The following UNC13C variants were observed in gnomAD, a reference collection of about 807,000 sequenced individuals.
UNC13C encodes the protein protein unc-13 homolog C.
In UNC13C, 174 loss-of-function variants were observed where a neutral mutation model predicts 245.4. The ratio of observed to expected loss-of-function variants is 0.71; its 90% CI spans 0.63 to 0.80. UNC13C has a LOEUF of 0.80. Ranked by LOEUF, UNC13C falls within the 30% of genes least tolerant of loss-of-function variation. The pLI is 0.00. For missense variants in UNC13C, 2,829 were observed against 2,602.9 expected (o/e 1.09, Z -1.89); for synonymous variants, 992 against 895.1 (o/e 1.11, Z -1.93).
intron 4 of UNC13C, among the ~76,000 whole-genome samples, chr15:54,166,413 C>G (rs1469611844): frequency 6.6e-6 from 1 of 151,766 alleles, no homozygotes; most frequent in Non-Finnish European, 1.5e-5. Context: ...TTATTATGTA[C>G]AAAATTATAT....
At chr15:54,101,058 T>A (rs1186315571) in intron 2 of UNC13C, among the ~76,000 whole-genome samples, 2 of 152,234 alleles carry the variant, frequency 1.3e-5, no homozygotes, top group Non-Finnish European at 2.9e-5. Context: ...AAGATTTCAT[T>A]GGATTTGTTT....
chr15:54,141,449 A>C (rs1233064803), intron 2 of UNC13C, among the ~76,000 whole-genome samples: 1 of 152,138 alleles, frequency 6.6e-6, no homozygotes, highest in Non-Finnish European at 1.5e-5. Context: ...TTTCACACAT[A>C]AATTGCTGAC....
intron 4 of UNC13C, among the ~76,000 whole-genome samples, chr15:54,152,837 A>C (rs963166876): frequency 6.6e-6 from 1 of 152,054 alleles, no homozygotes; most frequent in African/African-American, 2.4e-5. Flanking sequence ...CACATCTAAT[A>C]TATATAAAAG....
At chr15:54,484,795 CT>C (rs1477997397) in intron 19 of UNC13C, among the ~76,000 whole-genome samples, 2 of 151,958 alleles carry the variant, frequency 1.3e-5, no homozygotes, top group Non-Finnish European at 2.9e-5. Context: ...AATCAATTTC[CT>C]CCCACAAAAA....
At chr15:54,135,386 G>A (rs2031676685) in intron 2 of UNC13C, among the ~76,000 whole-genome samples, 1 of 152,130 alleles carries the variant, frequency 6.6e-6, no homozygotes, top group Non-Finnish European at 1.5e-5. Context: ...CGGCCAATAC[G>A]TTGCCAATGG....
chr15:54,461,325 CTCAA>C (rs1392863021), intron 19 of UNC13C, among the ~76,000 whole-genome samples: 5 of 152,226 alleles, frequency 3.3e-5, no homozygotes, highest in Admixed American at 1.3e-4. Flanking sequence ...ATTAGGGATG[CTCAA>C]TCAGTCAATA....
intron 4 of UNC13C, among the ~76,000 whole-genome samples, chr15:54,215,727 T>C (rs1474175198): frequency 2.6e-5 from 4 of 151,846 alleles, no homozygotes; most frequent in Non-Finnish European, 5.9e-5. Flanking sequence ...AGTGGTGAAA[T>C]TACCTCAGTC....
At chr15:54,320,826 C>T in intron 13 of UNC13C, 1 of 323,690 alleles carries the variant, frequency 3.1e-6, no homozygotes, top group Non-Finnish European at 6.0e-6. Context: ...ACCACAGGAA[C>T]TAGAGCTTCT....
chr15:54,353,964 A>T (rs2039039288), intron 17 of UNC13C, among the ~76,000 whole-genome samples: 1 of 152,212 alleles, frequency 6.6e-6, no homozygotes. Flanking sequence ...TTCTGGAAAC[A>T]GCTCTTACAA....
chr15:54,130,748 C>A (rs2031367877), intron 2 of UNC13C, among the ~76,000 whole-genome samples: 1 of 152,118 alleles, frequency 6.6e-6, no homozygotes, highest in African/African-American at 2.4e-5. Context: ...AAGAAAATTT[C>A]CCTCTGTTTC....
intron 19 of UNC13C, among the ~76,000 whole-genome samples, chr15:54,491,093 A>G (rs1410105103): frequency 6.6e-6 from 1 of 152,220 alleles, no homozygotes; most frequent in East Asian, 1.9e-4. Context: ...TTATATTTCC[A>G]ATGCCTCACA....
chr15:54,272,896 G>A (rs1228087909), intron 10 of UNC13C, among the ~76,000 whole-genome samples: 1 of 152,186 alleles, frequency 6.6e-6, no homozygotes, highest in Non-Finnish European at 1.5e-5. Context: ...TTCACAGTCA[G>A]TAAACTAGAA....
chr15:54,349,772 A>G lies in UNC13C; in HGVS notation c.4713+11283A>G, dbSNP rs116695985. On this transcript the variant is annotated intron_variant, in intron 17 of 32. Coordinates refer to ENST00000260323, the MANE Select transcript of UNC13C (RefSeq NM_001080534.3). ...GGGCATGTTTACTAGGATATTCAAT[A>G]TAGCATTGTTTGTGAGACTGAGGAG... Among the ~76,000 whole-genome samples the G allele has an allele frequency of 8.7e-3, 1,319 of 152,286 alleles. 24 individuals are homozygous for G. Among genetic ancestry groups the G allele is most frequent in the African/African-American group, 0.03 (1,247 of 41,556 alleles).
chr15:54,109,200 T>C (rs1900621733), intron 2 of UNC13C, among the ~76,000 whole-genome samples: 2 of 151,648 alleles, frequency 1.3e-5, no homozygotes, highest in South Asian at 4.2e-4. Flanking sequence ...GTTAGCAACC[T>C]CTCTGCTATC....
At chr15:54,188,924 C>G (rs186939103) in intron 4 of UNC13C, among the ~76,000 whole-genome samples, 11 of 152,196 alleles carry the variant, frequency 7.2e-5, no homozygotes, top group Admixed American at 3.3e-4. Context: ...CCATTGTTAC[C>G]GTTTCCAAAT....
At chr15:54,481,129 T>C (rs1567314067) in intron 19 of UNC13C, among the ~76,000 whole-genome samples, 1 of 152,206 alleles carries the variant, frequency 6.6e-6, no homozygotes, top group Non-Finnish European at 1.5e-5. Flanking sequence ...GTATCATTAA[T>C]GTCTTGGAGT....
chr15:54,078,068 G>A (rs1284878252), intron 2 of UNC13C, among the ~76,000 whole-genome samples: 5 of 152,122 alleles, frequency 3.3e-5, no homozygotes, highest in South Asian at 2.1e-4. Context: ...TAGTGAGCAC[G>A]TGGTATTTTT....
chr15:54,332,370 A>G (rs750524953), intron 15 of UNC13C, among the ~76,000 whole-genome samples: 45 of 145,158 alleles, frequency 3.1e-4, no homozygotes, highest in Non-Finnish European at 5.6e-4. Flanking sequence ...TAATTTTGTA[A>G]TTTTTAAAAT....
At chr15:54,588,482 A>C (rs1185883193) in intron 30 of UNC13C, among the ~76,000 whole-genome samples, 1 of 152,200 alleles carries the variant, frequency 6.6e-6, no homozygotes, top group Non-Finnish European at 1.5e-5. Context: ...TGCCTAGTGC[A>C]TAACAAATAC....
Sources: allele counts gnomAD v4.1 joint callset (sites outside exome capture counted in the v4.1 genomes callset), GRCh38; gene constraint gnomAD v4.1.1; transcripts MANE v1.5; gene names NCBI Gene and HGNC (gene_info 2026-07-23, HGNC 2026-07-21).